The following RBPMS2 variants were observed in gnomAD, a reference collection of about 807,000 sequenced individuals.
The protein encoded by RBPMS2 is RNA binding protein, mRNA processing factor 2.
In RBPMS2, 14 loss-of-function variants were observed where a neutral mutation model predicts 25.7. The ratio of observed to expected loss-of-function variants is 0.55; its 90% CI spans 0.36 to 0.85. The LOEUF (loss-of-function observed/expected upper bound fraction) is 0.85, where lower values mean the gene tolerates loss of function less well. Ranked by LOEUF, RBPMS2 falls within the 40% of genes least tolerant of loss-of-function variation. The pLI is 0.01. For synonymous variants in RBPMS2, 127 were observed against 115.6 expected (o/e 1.10, Z -0.63); for missense variants, 252 against 283.4 (o/e 0.89, Z 0.80).
chr15:64,758,889 G>A (rs1486396822), intron 1 of RBPMS2, among the ~76,000 whole-genome samples: 2 of 152,232 alleles, frequency 1.3e-5, no homozygotes, highest in African/African-American at 4.8e-5. Context: ...CCGCCAGCCA[G>A]TGCTAGACCT....
intron 1 of RBPMS2, 48 bp downstream of exon 1, chr15:64,775,185 C>T: frequency 8.9e-7 from 1 of 1,119,612 alleles, no homozygotes; most frequent in Non-Finnish European, 1.1e-6. Context: ...TCTCCCGCGC[C>T]CGCCTGGCGT....
intron 1 of RBPMS2, among the ~76,000 whole-genome samples, chr15:64,767,184 C>T (rs894794087): frequency 6.6e-6 from 1 of 152,166 alleles, no homozygotes; most frequent in East Asian, 1.9e-4. Flanking sequence ...ACTGCAGCCT[C>T]GACTTCCCGG....
At chr15:64,749,545 T>C (rs746136787) in intron 3 of RBPMS2, 52 bp from the exon 4 acceptor site, 11 of 1,437,064 alleles carry the variant, frequency 7.7e-6, no homozygotes, top group Non-Finnish European at 1.1e-5. Flanking sequence ...ATTCCACCTC[T>C]CCCTCCAAAA....
At chr15:64,763,321 G>T (rs1567069665) in intron 1 of RBPMS2, among the ~76,000 whole-genome samples, 1 of 152,180 alleles carries the variant, frequency 6.6e-6, no homozygotes, top group East Asian at 1.9e-4. Flanking sequence ...TCCACAACAT[G>T]TTTCCCATGC....
At chr15:64,744,538 A>G (rs2083595305) in intron 6 of RBPMS2, among the ~76,000 whole-genome samples, 1 of 148,008 alleles carries the variant, frequency 6.8e-6, no homozygotes, top group South Asian at 2.1e-4. Flanking sequence ...AGCCTGGGCA[A>G]CAAGAGTGAA....
At chr15:64,764,633 AGGTGGGGCAC>A (rs1455396989) in intron 1 of RBPMS2, among the ~76,000 whole-genome samples, 3 of 152,206 alleles carry the variant, frequency 2.0e-5, no homozygotes, top group Non-Finnish European at 4.4e-5. Context: ...CAAGAACAAG[AGGTGGGGCAC>A]GGTGGCTCAC....
intron 4 of RBPMS2, 97 bp downstream of exon 4, chr15:64,749,334 G>T: frequency 7.4e-7 from 1 of 1,351,992 alleles, no homozygotes; most frequent in Non-Finnish European, 1.1e-6. Context: ...TGTCGCCAAG[G>T]ACTCTGCCCA....
intron 1 of RBPMS2, among the ~76,000 whole-genome samples, chr15:64,761,557 G>A (rs952331832): frequency 6.6e-6 from 1 of 152,160 alleles, no homozygotes; most frequent in South Asian, 2.1e-4. Context: ...CGGCTTTTTT[G>A]AGACAGGGTC....
chr15:64,747,324 G>A (rs902160429), intron 6 of RBPMS2, among the ~76,000 whole-genome samples: 4 of 152,146 alleles, frequency 2.6e-5, no homozygotes, highest in Non-Finnish European at 5.9e-5. Context: ...CACAGCTCTC[G>A]GGCAGAGCAC....
chr15:64,744,798 G>GTTGTTTTT (rs2083601378), intron 6 of RBPMS2, among the ~76,000 whole-genome samples: 7 of 46,288 alleles, frequency 1.5e-4, no homozygotes, highest in African/African-American at 5.2e-4. Context: ...GGTTTGTTTT[G>GTTGTTTTT]TTTTTTTTTT....
intron 1 of RBPMS2, among the ~76,000 whole-genome samples, chr15:64,761,973 G>C (rs1457717392): frequency 6.6e-6 from 1 of 152,034 alleles, no homozygotes; most frequent in Non-Finnish European, 1.5e-5. Flanking sequence ...GCATCCCAAA[G>C]TGCTGGGATT....
Position 64,741,173 on chromosome 15 carries a change from T to C in RBPMS2, c.*7A>G. On this transcript the variant is annotated splice_region_variant and 3_prime_UTR_variant, in exon 7 of 8. Coordinates refer to ENST00000300069, the MANE Select transcript of RBPMS2 (RefSeq NM_194272.3). ...CTGGGCCTCTGGGGCCAACACTTAC[T>C]GAAAAACTAACAGAACTGACGGTAC... 6.4e-7 allele frequency: 1 copy of C among 1,573,410 alleles called. No individual in the cohort carries two copies. The highest frequency in any genetic ancestry group is 8.6e-7 in the Non-Finnish European group (1 of 1,158,832).
intron 1 of RBPMS2, among the ~76,000 whole-genome samples, chr15:64,771,348 CATCTCCAG>C (rs1400275360): frequency 2.6e-4 from 39 of 152,198 alleles, no homozygotes; most frequent in Admixed American, 4.6e-4. Flanking sequence ...TGGATATCAA[CATCTCCAG>C]ATGTTCAAGT....
chr15:64,769,628 T>A (rs1177250356), intron 1 of RBPMS2, among the ~76,000 whole-genome samples: 1 of 150,182 alleles, frequency 6.7e-6, no homozygotes, highest in Admixed American at 6.6e-5. Flanking sequence ...CCACTGCACT[T>A]CAGCCTGGGC....
intron 2 of RBPMS2, among the ~76,000 whole-genome samples, 157 bp from the exon 3 acceptor site, chr15:64,750,538 T>C (rs1236005738): frequency 6.6e-6 from 1 of 152,142 alleles, no homozygotes; most frequent in African/African-American, 2.4e-5. Flanking sequence ...CTGCCAAACG[T>C]CCACCGCCCT....
In RBPMS2 at chr15:64,739,938, A is replaced by G. The variant is rs1440790445; in HGVS notation, c.*1070T>C. On this transcript the variant is annotated 3_prime_UTR_variant, in exon 8 of 8. Transcript: ENST00000300069. ...TGCATTTCATATATTATCCAGTTTC[A>G]CATTCTCACAGGATCAGCAATGACA... 1 of 152,590 alleles carries G rather than the reference A, an allele frequency of 6.6e-6. No individual in the cohort carries two copies. Among genetic ancestry groups the G allele is most frequent in the Non-Finnish European group, 1.5e-5 (1 of 68,038 alleles). 9.5% of individuals were successfully genotyped at this position (152,590 alleles called of 1,614,324 possible). A position where few individuals can be genotyped will look rare whatever the true frequency, so the allele number is the denominator to read the frequency against.
intron 6 of RBPMS2, among the ~76,000 whole-genome samples, chr15:64,745,704 G>A (rs2083612449): frequency 6.6e-6 from 1 of 152,148 alleles, no homozygotes; most frequent in Non-Finnish European, 1.5e-5. Context: ...TCTTTAAGGG[G>A]AAGATTCTAT....
At chr15:64,758,326 A>C (rs1023260074) in intron 1 of RBPMS2, among the ~76,000 whole-genome samples, 1 of 152,226 alleles carries the variant, frequency 6.6e-6, no homozygotes, top group African/African-American at 2.4e-5. Context: ...GGCAAGTAAG[A>C]GCAGAAATGC....
chr15:64,752,883 A>G (rs1166414272), intron 1 of RBPMS2, among the ~76,000 whole-genome samples: 1 of 152,104 alleles, frequency 6.6e-6, no homozygotes, highest in Non-Finnish European at 1.5e-5. Flanking sequence ...AAGTGCTGAG[A>G]TGACAGGATT....
Sources: allele counts gnomAD v4.1 joint callset (sites outside exome capture counted in the v4.1 genomes callset), GRCh38; gene constraint gnomAD v4.1.1; transcripts MANE v1.5; gene names NCBI Gene and HGNC (gene_info 2026-07-23, HGNC 2026-07-21).